The following VPS35L variants were observed in gnomAD, a reference collection of about 807,000 sequenced individuals.
The protein encoded by VPS35L is VPS35 endosomal protein sorting factor like, also known as VPS35 endosomal protein-sorting factor-like.
In VPS35L, 83 loss-of-function variants were observed where a neutral mutation model predicts 133.0. The observed-to-expected ratio is 0.62, with a 90% confidence interval of 0.52 to 0.75. The LOEUF (loss-of-function observed/expected upper bound fraction) is 0.75, where lower values mean the gene tolerates loss of function less well. Ranked by LOEUF, VPS35L falls within the 30% of genes least tolerant of loss-of-function variation. The pLI, the probability that VPS35L is intolerant of heterozygous loss-of-function variation, is 0.00. For missense variants in VPS35L, 1,083 were observed against 1,206.8 expected (o/e 0.90, Z 1.52); for synonymous variants, 423 against 449.9 (o/e 0.94, Z 0.76).
At chr16:19,630,492 C>A (rs1973417422) in intron 18 of VPS35L, among the ~76,000 whole-genome samples, 9 of 151,994 alleles carry the variant, frequency 5.9e-5, no homozygotes, top group Admixed American at 5.9e-4. Flanking sequence ...TGCCACCACG[C>A]CTGGCTAATT....
intron 8 of VPS35L, 32 bp from the exon 9 acceptor site, chr16:19,601,632 G>A: frequency 6.2e-7 from 1 of 1,608,650 alleles, no homozygotes; most frequent in Non-Finnish European, 8.5e-7. Context: ...TGAAGAGTGT[G>A]ATACTAACAC....
At chr16:19,611,975 T>C (rs1476403804) in intron 12 of VPS35L, among the ~76,000 whole-genome samples, 1 of 151,674 alleles carries the variant, frequency 6.6e-6, no homozygotes, top group Non-Finnish European at 1.5e-5. Context: ...AGTCTCACTC[T>C]GTCGCCCGGC....
At chr16:19,692,111 T>C (rs1317777424) in intron 29 of VPS35L, among the ~76,000 whole-genome samples, 1 of 151,996 alleles carries the variant, frequency 6.6e-6, no homozygotes, top group Non-Finnish European at 1.5e-5. Flanking sequence ...CTCCTGACCC[T>C]GTGATCCGCC....
chr16:19,686,029 G>C (rs1031050991), intron 28 of VPS35L, among the ~76,000 whole-genome samples: 5 of 152,200 alleles, frequency 3.3e-5, no homozygotes, highest in African/African-American at 1.2e-4. Context: ...ATATTTGATA[G>C]GCAAGAGTGT....
intron 1 of VPS35L, among the ~76,000 whole-genome samples, chr16:19,564,475 C>T (rs1483358724): frequency 5.3e-5 from 8 of 152,000 alleles, no homozygotes; most frequent in Admixed American, 3.9e-4. Context: ...CTCAGTTCAC[C>T]GTGACCTCCA....
At chr16:19,616,654 CCTTTT>C (rs1222343810) in intron 13 of VPS35L, 27 bp from the exon 14 acceptor site, 1 of 1,605,734 alleles carries the variant, frequency 6.2e-7, no homozygotes, top group Non-Finnish European at 8.5e-7. Flanking sequence ...TTTTTCCCCT[CCTTTT>C]CTAAGTGTTT....
chr16:19,678,638 C>T (rs1975147063), intron 27 of VPS35L, among the ~76,000 whole-genome samples: 1 of 151,960 alleles, frequency 6.6e-6, no homozygotes, highest in Admixed American at 6.6e-5. Context: ...CCACCATGCC[C>T]AGCTAATTTT....
intron 9 of VPS35L, among the ~76,000 whole-genome samples, chr16:19,606,558 A>AGTT (rs10627898): frequency 0.051 from 7,831 of 152,230 alleles, 648 homozygotes; most frequent in African/African-American, 0.17. Context: ...AAATATCTGC[A>AGTT]GTGATTAGTG....
chr16:19,602,008 C>G (rs998960701), intron 9 of VPS35L, among the ~76,000 whole-genome samples: 5 of 149,936 alleles, frequency 3.3e-5, no homozygotes, highest in African/African-American at 1.2e-4. Context: ...TGCTGCTTGA[C>G]TTTAATATTT....
At chr16:19,604,579 T>G (rs910555087) in intron 9 of VPS35L, among the ~76,000 whole-genome samples, 1 of 152,212 alleles carries the variant, frequency 6.6e-6, no homozygotes, top group Admixed American at 6.5e-5. Context: ...TCCAAGAACC[T>G]GAAAAGAACA....
At chr16:19,632,047 C>T (rs888950386) in intron 18 of VPS35L, among the ~76,000 whole-genome samples, 8 of 152,046 alleles carry the variant, frequency 5.3e-5, no homozygotes, top group Non-Finnish European at 1.2e-4. Context: ...CTGCAACCTC[C>T]GCCTCCTGGG....
intron 9 of VPS35L, chr16:19,607,937 G>C (rs1031580212): frequency 1.1e-5 from 5 of 463,030 alleles, no homozygotes; most frequent in Non-Finnish European, 1.9e-5. Context: ...ACCTCAGAGG[G>C]TTGCTATATG....
chr16:19,575,087 T>G lies in VPS35L; in HGVS notation c.409-11T>G. On this transcript the variant is annotated splice_polypyrimidine_tract_variant and intron_variant, in intron 4 of 30. Transcript: ENST00000417362. The stretch of plus-strand genomic sequence containing the variant: ...ATTTTTAAAATATTAATGAATTTTA[T>G]GTCTCTGCAGAATCTGTTTATGGGA... 5 of 1,597,008 alleles carry G rather than the reference T, an allele frequency of 3.1e-6. No homozygotes were observed. The highest frequency in any genetic ancestry group is 4.3e-6 in the Non-Finnish European group (5 of 1,170,218).
intron 5 of VPS35L, among the ~76,000 whole-genome samples, chr16:19,576,734 A>AT (rs34954224): frequency 0.18 from 26,670 of 146,128 alleles, 2,611 homozygotes; most frequent in African/African-American, 0.26. Context: ...TATGCATAGA[A>AT]TTTTTTTTTT....
In VPS35L at chr16:19,644,953, A is replaced by C; in HGVS notation, c.1929+4A>C. ...GATTAATGGATTTATAAAAATGGTA[A>C]GTATTAGGGAAGAAGTTTCAGTGCA... On this transcript the variant is annotated splice_donor_region_variant and intron_variant, in intron 23 of 30. Transcript: ENST00000417362. 6.3e-7 allele frequency: 1 copy of C among 1,580,162 alleles called. No homozygotes were observed. The highest frequency in any genetic ancestry group is 8.7e-7 in the Non-Finnish European group (1 of 1,151,472).
chr16:19,557,304 T>A (rs981593466), intron 1 of VPS35L, among the ~76,000 whole-genome samples: 5 of 152,196 alleles, frequency 3.3e-5, no homozygotes, highest in Non-Finnish European at 5.9e-5. Flanking sequence ...GAATTTTAAT[T>A]TTATATTACA....
chr16:19,615,415 C>T (rs772367936), intron 12 of VPS35L, among the ~76,000 whole-genome samples: 14 of 151,976 alleles, frequency 9.2e-5, no homozygotes, highest in Non-Finnish European at 1.5e-4. Flanking sequence ...TTTGGTAGGC[C>T]GAGGCAGGCA....
intron 12 of VPS35L, among the ~76,000 whole-genome samples, chr16:19,613,858 G>A (rs1006215859): frequency 3.9e-5 from 6 of 152,258 alleles, no homozygotes; most frequent in East Asian, 1.9e-4. Flanking sequence ...CTAATTTGCC[G>A]ATACCAGCAA....
At chr16:19,665,547 A>G (rs1336177022) in intron 26 of VPS35L, among the ~76,000 whole-genome samples, 7 of 152,226 alleles carry the variant, frequency 4.6e-5, no homozygotes, top group Non-Finnish European at 1.0e-4. Flanking sequence ...TCCATTGTGT[A>G]TATGTACCAC....
Sources: gnomAD v4.1 joint callset for allele counts (sites outside exome capture counted in the v4.1 genomes callset) on GRCh38, gnomAD v4.1.1 for gene constraint, MANE v1.5 for transcripts, NCBI Gene and HGNC (gene_info 2026-07-23, HGNC 2026-07-21) for gene names.